LYPD6B: variants seen among roughly 807,000 people sequenced by gnomAD.
LYPD6B encodes LY6/PLAUR domain containing 6B, also known as ly6/PLAUR domain-containing protein 6B.
LYPD6B carries 17 observed loss-of-function variants against 22.8 expected under a neutral mutation model. That is an observed-to-expected ratio of 0.75 (90% confidence interval 0.51 to 1.12). LYPD6B has a LOEUF of 1.12. Among genes scored for constraint, LYPD6B ranks in the 50% most tolerant of loss-of-function variants. The pLI is 0.00. For missense variants in LYPD6B, 221 were observed against 258.3 expected (o/e 0.86, Z 0.99); for synonymous variants, 106 against 91.6 (o/e 1.16, Z -0.90).
At chr2:149,041,365 C>T (rs1359492447) in intron 1 of LYPD6B, among the ~76,000 whole-genome samples, 1 of 152,200 alleles carries the variant, frequency 6.6e-6, no homozygotes. Flanking sequence ...AAGGCCGGGG[C>T]TTGCTGCTTA....
At chr2:149,185,118 A>G (rs370429947) in intron 3 of LYPD6B, among the ~76,000 whole-genome samples, 2 of 152,194 alleles carry the variant, frequency 1.3e-5, no homozygotes, top group African/African-American at 4.8e-5. Context: ...TCCTATACAC[A>G]TATTCTTCTT....
chr2:149,106,198 G>A (rs902835630), intron 1 of LYPD6B, among the ~76,000 whole-genome samples: 2 of 151,882 alleles, frequency 1.3e-5, no homozygotes, highest in African/African-American at 2.4e-5. Flanking sequence ...GCAAAAATTT[G>A]TTTTGAATTT....
At chr2:149,038,996 G>A (rs1462509110) in intron 1 of LYPD6B, among the ~76,000 whole-genome samples, 195 bp downstream of exon 1, 4 of 151,130 alleles carry the variant, frequency 2.6e-5, no homozygotes, top group African/African-American at 7.3e-5. Context: ...GCGGGGTCGG[G>A]GTCTGGTCGC....
intron 1 of LYPD6B, among the ~76,000 whole-genome samples, chr2:149,063,682 G>A (rs1192190412): frequency 1.3e-5 from 2 of 152,106 alleles, no homozygotes; most frequent in Non-Finnish European, 2.9e-5. Flanking sequence ...ACATAATAAA[G>A]TATCAATTTA....
At position 149,214,462 on chromosome 2, in the gene LYPD6B, G is replaced by C. The variant is rs571829643; in HGVS notation, c.460-84G>C. 3 of 1,430,002 alleles carry C rather than the reference G, an allele frequency of 2.1e-6. No homozygotes were observed. In the East Asian group the frequency reaches 6.9e-5, roughly 33 times the overall value. 88.6% of individuals were successfully genotyped at this position (1,430,002 alleles called of 1,614,324 possible). On this transcript the variant is annotated intron_variant, in intron 6 of 6. Coordinates refer to ENST00000409642, the MANE Select transcript of LYPD6B (RefSeq NM_177964.5). ...TTGTCTGTCTTCAGATAGAGCTCAA[G>C]AAGCCTTTGTTTTATCTTTCTTTCT...
At chr2:149,065,178 A>G (rs1279231955) in intron 1 of LYPD6B, among the ~76,000 whole-genome samples, 1 of 152,198 alleles carries the variant, frequency 6.6e-6, no homozygotes, top group East Asian at 1.9e-4. Flanking sequence ...TACTGAATTC[A>G]TGGACTACCT....
rs1440275479 is a variant in LYPD6B, at chr2:149,154,411, C to G, written c.6-6353C>G. Among the ~76,000 whole-genome samples, 4 of 152,180 alleles carry G rather than the reference C, an allele frequency of 2.6e-5. No individual in the cohort carries two copies. The South Asian group carries it at 8.3e-4, about 32-fold the overall frequency. On this transcript the variant is annotated intron_variant, in intron 2 of 6. Transcript: ENST00000409642. The stretch of plus-strand genomic sequence containing the variant: ...TCAGAGCCTCCAGAGTGAACCAACC[C>G]TGCCAGCATCTTTGACTATGGCCTT...
intron 1 of LYPD6B, among the ~76,000 whole-genome samples, chr2:149,102,597 A>C (rs1686266595): frequency 6.6e-6 from 1 of 152,078 alleles, no homozygotes; most frequent in Admixed American, 6.6e-5. Flanking sequence ...GATTGGCCCC[A>C]TATTTTTTCT....
chr2:149,142,840 T>C (rs1312892814), intron 2 of LYPD6B, among the ~76,000 whole-genome samples: 2 of 152,172 alleles, frequency 1.3e-5, no homozygotes, highest in African/African-American at 2.4e-5. Context: ...TTTAATCGAC[T>C]TTTTCCTTCT....
chr2:149,078,936 G>A (rs1357867676), intron 1 of LYPD6B, among the ~76,000 whole-genome samples: 1 of 152,028 alleles, frequency 6.6e-6, no homozygotes, highest in Non-Finnish European at 1.5e-5. Context: ...GAGCCCAGGG[G>A]TTTGAGGATG....
chr2:149,106,491 G>C (rs917415990), intron 1 of LYPD6B, among the ~76,000 whole-genome samples: 8 of 152,192 alleles, frequency 5.3e-5, no homozygotes, highest in Admixed American at 3.3e-4. Context: ...AGTTTTTCTT[G>C]AGTAAGCTTT....
intron 1 of LYPD6B, among the ~76,000 whole-genome samples, chr2:149,076,935 G>T (rs1032066664): frequency 6.6e-6 from 1 of 152,190 alleles, no homozygotes; most frequent in Non-Finnish European, 1.5e-5. Context: ...TGGGGTTAGA[G>T]TTGGTTCTGT....
intron 3 of LYPD6B, among the ~76,000 whole-genome samples, chr2:149,198,561 T>C (rs1692965191): frequency 6.6e-6 from 1 of 152,216 alleles, no homozygotes; most frequent in African/African-American, 2.4e-5. Flanking sequence ...TATACACTTA[T>C]GGGCCATGTA....
intron 1 of LYPD6B, among the ~76,000 whole-genome samples, chr2:149,120,877 T>C (rs1374394437): frequency 2.2e-5 from 3 of 136,102 alleles, no homozygotes; most frequent in Non-Finnish European, 4.6e-5. Context: ...TTGCAACCTC[T>C]ACCTCCCAAG....
intron 1 of LYPD6B, among the ~76,000 whole-genome samples, chr2:149,119,464 G>T (rs1380844369): frequency 6.6e-6 from 1 of 152,210 alleles, no homozygotes; most frequent in Non-Finnish European, 1.5e-5. Context: ...CCTTGGGAAT[G>T]GGGAAAGTAC....
At chr2:149,200,974 A>G (rs1427739379) in intron 3 of LYPD6B, among the ~76,000 whole-genome samples, 1 of 152,216 alleles carries the variant, frequency 6.6e-6, no homozygotes, top group Non-Finnish European at 1.5e-5. Flanking sequence ...CAGGCCTACT[A>G]TGTAGGAAAG....
Position 149,162,171 on chromosome 2 carries a change from G to A in LYPD6B, c.77+1336G>A, listed in dbSNP as rs570910498. On this transcript the variant is annotated intron_variant, in intron 3 of 6. Coordinates refer to ENST00000409642, the MANE Select transcript of LYPD6B (RefSeq NM_177964.5). ...CAGGATCATCATCATCATGATCACC[G>A]TGGTGATAAAATGTAACTCTATTAT... Among the ~76,000 whole-genome samples the A allele has an allele frequency of 5.6e-4, 86 of 152,232 alleles. 1 individual carries two copies. Among genetic ancestry groups the A allele is most frequent in the Non-Finnish European group, 7.8e-4 (53 of 68,004 alleles).
intron 3 of LYPD6B, among the ~76,000 whole-genome samples, chr2:149,177,183 G>A (rs1040315886): frequency 5.9e-5 from 9 of 152,190 alleles, no homozygotes; most frequent in Non-Finnish European, 1.2e-4. Context: ...CCCCAAACAC[G>A]TGAACTGGGT....
At chr2:149,145,166 G>A (rs759921282) in intron 2 of LYPD6B, among the ~76,000 whole-genome samples, 11 of 152,126 alleles carry the variant, frequency 7.2e-5, no homozygotes, top group Non-Finnish European at 1.6e-4. Flanking sequence ...CTGATGGTGG[G>A]TTCTGACTAG....
Sources: gnomAD v4.1 joint callset for allele counts (sites outside exome capture counted in the v4.1 genomes callset) on GRCh38, gnomAD v4.1.1 for gene constraint, MANE v1.5 for transcripts, NCBI Gene and HGNC (gene_info 2026-07-23, HGNC 2026-07-21) for gene names.